COMMD1: variants seen among roughly 807,000 people sequenced by gnomAD.
COMMD1 encodes the protein COMM domain-containing protein 1.
Under a neutral mutation model 17.2 loss-of-function variants are expected in COMMD1, and 10 were observed. That is an observed-to-expected ratio of 0.58 (90% CI 0.36 to 0.99). COMMD1 has a LOEUF of 0.99. COMMD1 is among the 50% of genes least tolerant of loss of function. The pLI is 0.01. For missense variants in COMMD1, 270 were observed against 231.8 expected, an observed-to-expected ratio of 1.17 and a Z score of -1.07; for synonymous variants, 97 against 91.6, an observed-to-expected ratio of 1.06 and a Z score of -0.34.
chr2:62,070,717 A>G (rs1671176979), intron 2 of COMMD1, among the ~76,000 whole-genome samples: 1 of 152,178 alleles, frequency 6.6e-6, no homozygotes, highest in Non-Finnish European at 1.5e-5. Flanking sequence ...GAATAAAGTG[A>G]AAACAGGTTT....
At chr2:61,995,164 A>G (rs1307432533) in intron 1 of COMMD1, among the ~76,000 whole-genome samples, 2 of 151,978 alleles carry the variant, frequency 1.3e-5, no homozygotes, top group Non-Finnish European at 2.9e-5. Context: ...CAGGCTGGTC[A>G]TTGTCAACCT....
At chr2:61,971,061 G>C (rs1038963803) in intron 1 of COMMD1, among the ~76,000 whole-genome samples, 2 of 152,172 alleles carry the variant, frequency 1.3e-5, no homozygotes, top group Middle Eastern at 3.4e-3. Flanking sequence ...AGCATGTGCC[G>C]CCATGCCCGG....
chr2:62,120,146 G>A (rs576951673), intron 2 of COMMD1, among the ~76,000 whole-genome samples: 1 of 152,144 alleles, frequency 6.6e-6, no homozygotes, highest in East Asian at 1.9e-4. Flanking sequence ...GATTACAGGT[G>A]TGCGCCAGCA....
intron 2 of COMMD1, among the ~76,000 whole-genome samples, chr2:62,123,500 T>TA (rs145887068): frequency 8.0e-6 from 1 of 125,070 alleles, no homozygotes; most frequent in Admixed American, 8.3e-5. Flanking sequence ...GCAAGACATG[T>TA]GAAAAAAAAA....
intron 2 of COMMD1, among the ~76,000 whole-genome samples, chr2:62,017,473 G>A (rs901253259): frequency 3.3e-5 from 5 of 152,046 alleles, no homozygotes; most frequent in Non-Finnish European, 7.4e-5. Flanking sequence ...TTCAAGACCA[G>A]CCTGGGCAAC....
chr2:61,987,442 A>G (rs1473416867), intron 1 of COMMD1, among the ~76,000 whole-genome samples: 1 of 152,164 alleles, frequency 6.6e-6, no homozygotes, highest in African/African-American at 2.4e-5. Flanking sequence ...AGACTTGTAG[A>G]GGTACCACCT....
chr2:61,991,080 A>G (rs1263203604), intron 1 of COMMD1, among the ~76,000 whole-genome samples: 2 of 151,654 alleles, frequency 1.3e-5, no homozygotes, highest in African/African-American at 4.8e-5. Flanking sequence ...AGAGAGGAAG[A>G]TCCTGTCTCA....
At chr2:62,016,834 C>T (rs1440015822) in intron 2 of COMMD1, among the ~76,000 whole-genome samples, 1 of 152,046 alleles carries the variant, frequency 6.6e-6, no homozygotes, top group Non-Finnish European at 1.5e-5. Context: ...ACTAAGGGTT[C>T]TATAGTTTTC....
rs141230679 is a variant in COMMD1, at chr2:61,960,697, A to G, written c.181-40004A>G. Among the ~76,000 whole-genome samples the G allele has an allele frequency of 6.7e-3, 1,024 of 152,220 alleles. 52 individuals carry two copies. The highest frequency in any genetic ancestry group is 0.061 in the Admixed American group (932 of 15,294). On this transcript the variant is annotated intron_variant, in intron 1 of 2. Transcript: ENST00000311832. The stretch of plus-strand genomic sequence containing the variant: ...ATGTCTAGGGCTTTCCTATTTTCCC[A>G]AGCCATTTGACTGGTAGACCCTAAT...
intron 2 of COMMD1, among the ~76,000 whole-genome samples, chr2:62,032,438 G>A (rs529865418): frequency 3.2e-4 from 48 of 152,276 alleles, no homozygotes; most frequent in African/African-American, 1.1e-3. Flanking sequence ...GAGGAGGCTC[G>A]GGTGGGAGGA....
intron 2 of COMMD1, among the ~76,000 whole-genome samples, chr2:62,062,472 C>T (rs1185527546): frequency 6.6e-6 from 1 of 152,116 alleles, no homozygotes; most frequent in African/African-American, 2.4e-5. Flanking sequence ...AGGTGATCCA[C>T]TCAGCTCGGC....
chr2:62,131,820 G>A (rs1317244727), intron 2 of COMMD1, among the ~76,000 whole-genome samples: 1 of 151,648 alleles, frequency 6.6e-6, no homozygotes, highest in African/African-American at 2.4e-5. Flanking sequence ...TGGGATTACA[G>A]GCATGAGCCA....
At chr2:61,968,785 T>G (rs981486838) in intron 1 of COMMD1, among the ~76,000 whole-genome samples, 45 of 152,064 alleles carry the variant, frequency 3.0e-4, no homozygotes, top group African/African-American at 1.0e-3. Flanking sequence ...TTCAAATTCC[T>G]GAGCTCAAGC....
chr2:62,032,770 A>C (rs998174733), intron 2 of COMMD1, among the ~76,000 whole-genome samples: 2 of 147,778 alleles, frequency 1.4e-5, no homozygotes, highest in East Asian at 2.0e-4. Context: ...TCCTTCCTTC[A>C]TTCATTCATT....
chr2:61,947,932 C>A (rs986649877), intron 1 of COMMD1, among the ~76,000 whole-genome samples: 1 of 151,824 alleles, frequency 6.6e-6, no homozygotes, highest in Admixed American at 6.6e-5. Flanking sequence ...AAAATCACAT[C>A]TGTAAATTTA....
chr2:61,911,615 T>C (rs1669910423), intron 1 of COMMD1, among the ~76,000 whole-genome samples: 1 of 152,208 alleles, frequency 6.6e-6, no homozygotes, highest in Admixed American at 6.5e-5. Context: ...ATTACAGGCA[T>C]GAGCCATCCT....
intron 1 of COMMD1, among the ~76,000 whole-genome samples, chr2:61,967,719 A>G (rs1184644682): frequency 6.6e-6 from 1 of 152,248 alleles, no homozygotes; most frequent in Admixed American, 6.5e-5. Flanking sequence ...TGAAATATTA[A>G]TAGTAATTTA....
At chr2:62,094,522 C>T (rs1238706105) in intron 2 of COMMD1, among the ~76,000 whole-genome samples, 1 of 152,096 alleles carries the variant, frequency 6.6e-6, no homozygotes, top group African/African-American at 2.4e-5. Flanking sequence ...ATTTCAAAAG[C>T]ATGAGGGGAC....
chr2:62,126,708 C>T (rs189774372), intron 2 of COMMD1, among the ~76,000 whole-genome samples: 1 of 152,186 alleles, frequency 6.6e-6, no homozygotes, highest in Non-Finnish European at 1.5e-5. Context: ...CTGTAGGTTG[C>T]CTGTTTGCTG....
Sources: gnomAD v4.1 joint callset for allele counts (sites outside exome capture counted in the v4.1 genomes callset) on GRCh38, gnomAD v4.1.1 for gene constraint, MANE v1.5 for transcripts, NCBI Gene and HGNC (gene_info 2026-07-23, HGNC 2026-07-21) for gene names.